Variants in SLC35F1 observed in about 807,000 individuals in gnomAD.
SLC35F1 encodes the protein solute carrier family 35 member F1, also known as chromosome 6 open reading frame 169.
Under a neutral mutation model 48.7 loss-of-function variants are expected in SLC35F1, and 14 were observed. The ratio of observed to expected loss-of-function variants is 0.29; its 90% CI spans 0.19 to 0.45. The LOEUF (loss-of-function observed/expected upper bound fraction) is 0.45, where lower values mean the gene tolerates loss of function less well. Among genes scored for constraint, SLC35F1 ranks in the 20% least tolerant of loss-of-function variants. The probability of loss-of-function intolerance (pLI) is 1.00; values close to 1 mark genes in which losing one functional copy is unlikely to be tolerated. For missense variants in SLC35F1, 404 were observed against 500.0 expected (o/e 0.81, Z 1.83); for synonymous variants, 190 against 202.2 (o/e 0.94, Z 0.51).
At chr6:117,951,998 C>T (rs538673961) in intron 1 of SLC35F1, among the ~76,000 whole-genome samples, 34 of 152,282 alleles carry the variant, frequency 2.2e-4, no homozygotes, top group African/African-American at 7.7e-4. Context: ...TGAGTTGTGG[C>T]TGCCAGCCGG....
intron 1 of SLC35F1, among the ~76,000 whole-genome samples, chr6:118,130,627 A>G (rs1582682656): frequency 6.6e-6 from 1 of 152,268 alleles, no homozygotes; most frequent in African/African-American, 2.4e-5. Context: ...GGCCAATCAC[A>G]TTACACAATG....
intron 1 of SLC35F1, among the ~76,000 whole-genome samples, chr6:117,972,287 T>A (rs1776652173): frequency 6.6e-6 from 1 of 152,200 alleles, no homozygotes; most frequent in Non-Finnish European, 1.5e-5. Flanking sequence ...ACTATCAGCA[T>A]TTTGGTCAAA....
chr6:118,068,807 C>T (rs1462588595), intron 1 of SLC35F1, among the ~76,000 whole-genome samples: 4 of 152,120 alleles, frequency 2.6e-5, no homozygotes, highest in East Asian at 1.9e-4. Context: ...TGATTGCAGA[C>T]ATCACTTTTT....
intron 2 of SLC35F1, among the ~76,000 whole-genome samples, chr6:118,235,032 C>T (rs2114582748): frequency 6.6e-6 from 1 of 152,316 alleles, no homozygotes; most frequent in East Asian, 1.9e-4. Flanking sequence ...ACATTCAAAG[C>T]TGATCAGGAA....
intron 1 of SLC35F1, among the ~76,000 whole-genome samples, chr6:117,940,247 C>T (rs1354106610): frequency 6.6e-6 from 1 of 152,044 alleles, no homozygotes; most frequent in East Asian, 1.9e-4. Context: ...AAAACAAGCA[C>T]GAGTCTTCTA....
chr6:118,255,586 A>ATTTC (rs1367921565), intron 3 of SLC35F1, among the ~76,000 whole-genome samples: 2 of 152,248 alleles, frequency 1.3e-5, no homozygotes, highest in East Asian at 1.9e-4. Flanking sequence ...TGGCAGTGTC[A>ATTTC]TTTCTTTCTT....
chr6:118,285,248 A>C lies in SLC35F1; in HGVS notation c.912A>C (p.Ile304=). The C allele has an allele frequency of 1.2e-6, 2 of 1,614,024 alleles. No homozygotes were observed. Among genetic ancestry groups the C allele is most frequent in the Non-Finnish European group, 1.7e-6 (2 of 1,179,916 alleles). ...TCTACAGCTTTATGCCAGTCGTCAT[A>C]AAGAAAACCAGTGCCACTTCAGTCA... ...FGLYSFMPVV[I]KKTSATSVNL... The change falls in exon 7 of 8, where the codon ATA becomes ATC. Residue 304 remains isoleucine, a synonymous_variant. Transcript: ENST00000360388.
chr6:118,313,900 G>A lies in SLC35F1; in HGVS notation c.1003-128G>A, dbSNP rs1006064739. On this transcript the variant is annotated intron_variant, in intron 7 of 7. Coordinates refer to ENST00000360388, the MANE Select transcript of SLC35F1 (RefSeq NM_001029858.4). ...TGAGAAAATTCATTCTCCATCAACG[G>A]TGTTGGCCAACTCATCATGCTGCCT... The A allele has an allele frequency of 2.1e-5, 16 of 779,020 alleles. No homozygotes were observed. In the East Asian group the frequency reaches 2.7e-4, roughly 13 times the overall value. 48.3% of individuals were successfully genotyped at this position (779,020 alleles called of 1,614,324 possible).
intron 3 of SLC35F1, among the ~76,000 whole-genome samples, chr6:118,248,821 T>C (rs1297789311): frequency 1.3e-5 from 2 of 152,180 alleles, no homozygotes; most frequent in African/African-American, 2.4e-5. Flanking sequence ...CTACTATAGA[T>C]TGAGTGTTTG....
chr6:118,036,729 T>C (rs1040294935), intron 1 of SLC35F1, among the ~76,000 whole-genome samples: 14 of 152,172 alleles, frequency 9.2e-5, no homozygotes, highest in African/African-American at 3.4e-4. Context: ...GGCTAATTTT[T>C]AAACTTCTTT....
Position 118,275,570 on chromosome 6 carries a change from T to G in SLC35F1, c.749T>G (p.Leu250Arg). 4 of 1,613,900 alleles carry G rather than the reference T, an allele frequency of 2.5e-6. No homozygotes were observed. Among genetic ancestry groups the G allele is most frequent in the Non-Finnish European group, 3.4e-6 (4 of 1,179,878 alleles). ...CGAACTCTGAGCCGAGTGGAATTCC[T>G]GGGAATGATTGGTCTCTTTGGAGCA... Reference protein sequence around the residue: ...IIRTLSRVEFLGMIGLFGAFF... With the variant: ...IIRTLSRVEFRGMIGLFGAFF... Residue 250 changes from leucine (L) to arginine (R), a missense_variant, in exon 5 of 8, where the codon CTG (leucine) becomes CGG (arginine). Transcript: ENST00000360388.
intron 1 of SLC35F1, among the ~76,000 whole-genome samples, chr6:118,065,422 C>T (rs997875409): frequency 1.3e-5 from 2 of 151,766 alleles, no homozygotes; most frequent in African/African-American, 4.8e-5. Context: ...GCTGTACTCA[C>T]AACAAAAAAG....
rs1201054679 is a variant in SLC35F1 at position 118,296,847 on chromosome 6, G to A, written c.1002+11509G>A. Among the ~76,000 whole-genome samples, 14 of 152,248 alleles carry A rather than the reference G, an allele frequency of 9.2e-5. No homozygotes were observed. The East Asian group carries it at 9.6e-4, about 10-fold the overall frequency. On this transcript the variant is annotated intron_variant, in intron 7 of 7. Coordinates refer to ENST00000360388, the MANE Select transcript of SLC35F1 (RefSeq NM_001029858.4). ...AAATGAACAGCCTGGCCGTTCAGTCGTATTCACAAGATTGAATGGCAACAA... is the reference window on the plus strand; with the variant it reads ...AAATGAACAGCCTGGCCGTTCAGTCATATTCACAAGATTGAATGGCAACAA...
chr6:117,937,517 T>A (rs1582573591), intron 1 of SLC35F1, among the ~76,000 whole-genome samples: 1 of 152,290 alleles, frequency 6.6e-6, no homozygotes, highest in East Asian at 1.9e-4. Flanking sequence ...AACACTTATT[T>A]AAGGAAAAGA....
intron 1 of SLC35F1, among the ~76,000 whole-genome samples, chr6:118,064,761 A>C (rs1031928668): frequency 1.3e-5 from 2 of 152,190 alleles, no homozygotes; most frequent in Non-Finnish European, 2.9e-5. Flanking sequence ...TACTATCTGC[A>C]TTATGCCATA....
At chr6:118,271,809 G>A (rs1001422206) in intron 4 of SLC35F1, among the ~76,000 whole-genome samples, 1 of 152,150 alleles carries the variant, frequency 6.6e-6, no homozygotes, top group African/African-American at 2.4e-5. Context: ...CAAAGAGACA[G>A]GTGCTTCAGG....
intron 1 of SLC35F1, among the ~76,000 whole-genome samples, chr6:118,099,905 A>G (rs551698878): frequency 2.6e-4 from 40 of 152,344 alleles, no homozygotes; most frequent in African/African-American, 8.9e-4. Context: ...TTTGATATTA[A>G]AGAAGAGATA....
In SLC35F1 at chr6:118,237,605, G is replaced by A. The variant is rs1775382247; in HGVS notation, c.477+1969G>A. ...GGATTTCCCCATGTTGCCCAGGCTGGTCTTGAACTCCTGGGCTCAAGAGAT... is the reference window on the plus strand; with the variant it reads ...GGATTTCCCCATGTTGCCCAGGCTGATCTTGAACTCCTGGGCTCAAGAGAT... On this transcript the variant is annotated intron_variant, in intron 3 of 7. Coordinates refer to ENST00000360388, the MANE Select transcript of SLC35F1 (RefSeq NM_001029858.4). Among the ~76,000 whole-genome samples, 3 of 152,054 alleles carry A rather than the reference G, an allele frequency of 2.0e-5. No individual in the cohort carries two copies. The South Asian group carries it at 6.2e-4, about 32-fold the overall frequency.
At chr6:118,164,014 T>C (rs1361559697) in intron 2 of SLC35F1, among the ~76,000 whole-genome samples, 1 of 152,248 alleles carries the variant, frequency 6.6e-6, no homozygotes, top group African/African-American at 2.4e-5. Context: ...TAGAACTGCA[T>C]AATAATTATC....
Sources: gnomAD v4.1 joint callset for allele counts (sites outside exome capture counted in the v4.1 genomes callset) on GRCh38, gnomAD v4.1.1 for gene constraint, MANE v1.5 for transcripts, NCBI Gene and HGNC (gene_info 2026-07-23, HGNC 2026-07-21) for gene names.